The following ZDHHC21 variants were observed in gnomAD, a reference collection of about 807,000 sequenced individuals.
ZDHHC21 encodes the protein zDHHC palmitoyltransferase 21, also known as palmitoyltransferase ZDHHC21.
Under a neutral mutation model 34.6 loss-of-function variants are expected in ZDHHC21, and 15 were observed. The observed-to-expected ratio is 0.43, with a 90% CI of 0.29 to 0.67. The LOEUF (loss-of-function observed/expected upper bound fraction) is 0.67. ZDHHC21 is among the 30% of genes least tolerant of loss of function. The pLI is 0.14. For synonymous variants in ZDHHC21, 142 were observed against 101.8 expected, an observed-to-expected ratio of 1.40 and a Z score of -2.38; for missense variants, 344 against 327.7, an observed-to-expected ratio of 1.05 and a Z score of -0.38.
At chr9:14,663,330 T>C (rs1319511711) in intron 5 of ZDHHC21, among the ~76,000 whole-genome samples, 3 of 152,118 alleles carry the variant, frequency 2.0e-5, no homozygotes, top group East Asian at 1.9e-4. Context: ...TATATTCAGA[T>C]TGAATTTTAG....
chr9:14,636,720 A>C (rs1400531080), intron 8 of ZDHHC21, among the ~76,000 whole-genome samples: 1 of 152,320 alleles, frequency 6.6e-6, no homozygotes, highest in East Asian at 1.9e-4. Flanking sequence ...CTGAGACCAC[A>C]GTGGAATAAA....
intron 2 of ZDHHC21, among the ~76,000 whole-genome samples, chr9:14,685,186 A>C (rs1304039568): frequency 6.6e-6 from 1 of 151,580 alleles, no homozygotes; most frequent in Non-Finnish European, 1.5e-5. Context: ...TGGCAACAAA[A>C]GCCAAAATTG....
At chr9:14,646,287 G>T (rs928324327) in intron 7 of ZDHHC21, among the ~76,000 whole-genome samples, 1 of 152,062 alleles carries the variant, frequency 6.6e-6, no homozygotes, top group Non-Finnish European at 1.5e-5. Flanking sequence ...ACACCAGGAT[G>T]ATTCACTTAA....
At chr9:14,645,629 C>T (rs991243163) in intron 7 of ZDHHC21, among the ~76,000 whole-genome samples, 1 of 151,826 alleles carries the variant, frequency 6.6e-6, no homozygotes, top group African/African-American at 2.4e-5. Flanking sequence ...CCTCTGTTTA[C>T]CAAAAAATGC....
rs1354009420 is a variant in ZDHHC21 at position 14,691,326 on chromosome 9, T to C, written c.-224-941A>G. Among the ~76,000 whole-genome samples the C allele has an allele frequency of 1.3e-5, 2 of 152,238 alleles. 1 individual carries two copies. Among genetic ancestry groups the C allele is most frequent in the Admixed American group, 1.3e-4 (2 of 15,290 alleles). On this transcript the variant is annotated intron_variant, in intron 1 of 9. Coordinates refer to ENST00000380916, the MANE Select transcript of ZDHHC21 (RefSeq NM_178566.6). ...GCTTATGGATGGCAGCAGTTTGCAC[T>C]TGTTACTATTCACTATAACAGGTCC...
At position 14,615,438 on chromosome 9, in the gene ZDHHC21, T is replaced by A. The variant is rs146228068; in HGVS notation, c.*3528A>T. ...ATGTTCTCTATTTCATTATTAAAAA[T>A]AAACCATGCTTTTTTTCTGAAAAAG... On this transcript the variant is annotated 3_prime_UTR_variant, in exon 10 of 10. Coordinates refer to ENST00000380916, the MANE Select transcript of ZDHHC21 (RefSeq NM_178566.6). 6.6e-6 allele frequency: 1 copy of A among 151,768 alleles called. No individual in the cohort carries two copies. Among genetic ancestry groups the A allele is most frequent in the Non-Finnish European group, 1.5e-5 (1 of 67,736 alleles). The allele number at this position is 151,768 out of a possible 1,614,324, so 9.4% of individuals were successfully genotyped here. A position where few individuals can be genotyped will look rare whatever the true frequency, so the allele number is the denominator to read the frequency against.
At chr9:14,653,134 C>T (rs1224618490) in intron 7 of ZDHHC21, among the ~76,000 whole-genome samples, 3 of 151,914 alleles carry the variant, frequency 2.0e-5, no homozygotes, top group African/African-American at 4.8e-5. Context: ...GATCTTATTC[C>T]ATATCCTGAA....
At chr9:14,648,350 A>C (rs1830634739) in intron 7 of ZDHHC21, among the ~76,000 whole-genome samples, 1 of 151,992 alleles carries the variant, frequency 6.6e-6, no homozygotes, top group South Asian at 2.1e-4. Context: ...GAGATTGTGT[A>C]ATGGCTCAAA....
chr9:14,687,523 TAGCC>T (rs1838514272), intron 2 of ZDHHC21, among the ~76,000 whole-genome samples: 1 of 150,342 alleles, frequency 6.7e-6, no homozygotes, highest in Non-Finnish European at 1.5e-5. Context: ...ATACAACAAT[TAGCC>T]AGGCATAGTG....
the ZDHHC21 span, among the ~76,000 whole-genome samples, chr9:14,598,905 G>A: frequency 6.8e-6 from 1 of 147,998 alleles, no homozygotes; most frequent in Non-Finnish European, 1.5e-5. Context: ...ACAAGCATGT[G>A]ACATCCCAGG....
At chr9:14,689,099 T>C (rs1387080774) in intron 2 of ZDHHC21, among the ~76,000 whole-genome samples, 1 of 152,202 alleles carries the variant, frequency 6.6e-6, no homozygotes, top group African/African-American at 2.4e-5. Flanking sequence ...CGTTATCTAC[T>C]TTTTTAAAGT....
chr9:14,630,826 T>C (rs951493178), intron 8 of ZDHHC21, among the ~76,000 whole-genome samples: 1 of 152,256 alleles, frequency 6.6e-6, no homozygotes, highest in East Asian at 1.9e-4. Flanking sequence ...AGGAACTTTT[T>C]TTCCTGAGCA....
Position 14,655,032 on chromosome 9 carries a change from T to A in ZDHHC21, c.504+3717A>T, listed in dbSNP as rs368638118. On this transcript the variant is annotated intron_variant, in intron 7 of 9. Coordinates refer to ENST00000380916, the MANE Select transcript of ZDHHC21 (RefSeq NM_178566.6). ...ACATAAACTCTCCAACAGAAAAAAGTGCAAAGAAAACAATACCAAAGCACA... is the reference window on the plus strand; with the variant it reads ...ACATAAACTCTCCAACAGAAAAAAGAGCAAAGAAAACAATACCAAAGCACA... 3.3e-5 allele frequency among the ~76,000 whole-genome samples: 5 copies of A among 151,816 alleles called. No homozygotes were observed. The East Asian group carries it at 9.6e-4, about 29-fold the overall frequency.
At chr9:14,619,170 A>G (rs10810187) in intron 9 of ZDHHC21, 72 bp from the exon 10 acceptor site, 1,062,748 of 1,473,594 alleles carry the variant, frequency 0.72, 385,675 homozygotes, top group African/African-American at 0.91. Context: ...AACAATACAG[A>G]TTGGCTGGGG....
At chr9:14,645,413 C>G (rs1830117255) in intron 7 of ZDHHC21, among the ~76,000 whole-genome samples, 1 of 151,998 alleles carries the variant, frequency 6.6e-6, no homozygotes. Context: ...TATGAAAAAA[C>G]TGAAACCCTG....
chr9:14,652,265 T>C (rs1831368074), intron 7 of ZDHHC21, among the ~76,000 whole-genome samples: 1 of 151,962 alleles, frequency 6.6e-6, no homozygotes, highest in African/African-American at 2.4e-5. Flanking sequence ...TAGTAAATAC[T>C]AATTCTTTTT....
At chr9:14,680,268 A>G (rs1019034689) in intron 2 of ZDHHC21, 106 bp from the exon 3 acceptor site, 1 of 152,190 alleles carries the variant, frequency 6.6e-6, no homozygotes, top group African/African-American at 2.4e-5. Flanking sequence ...AAATTTAGAA[A>G]TAACAAAAAA....
chr9:14,666,045 C>T (rs924877726), intron 5 of ZDHHC21, among the ~76,000 whole-genome samples: 4 of 150,064 alleles, frequency 2.7e-5, no homozygotes, highest in African/African-American at 4.9e-5. Flanking sequence ...TTAAAAGACA[C>T]AGACTGGCAA....
At chr9:14,604,109 A>T in the ZDHHC21 span, among the ~76,000 whole-genome samples, 81 of 152,316 alleles carry the variant, frequency 5.3e-4, 3 homozygotes, top group South Asian at 0.017. Flanking sequence ...AACTCATTAC[A>T]TAGGGTTAGT....
Sources: allele counts gnomAD v4.1 joint callset (sites outside exome capture counted in the v4.1 genomes callset), GRCh38; gene constraint gnomAD v4.1.1; transcripts MANE v1.5; gene names NCBI Gene and HGNC (gene_info 2026-07-23, HGNC 2026-07-21).